The following FBXL17 variants were observed in gnomAD, a reference collection of about 807,000 sequenced individuals.
FBXL17 encodes F-box and leucine rich repeat protein 17.
In FBXL17, 22 loss-of-function variants were observed where a neutral mutation model predicts 66.2. That is an observed-to-expected ratio of 0.33 (90% CI 0.24 to 0.47). FBXL17 has a LOEUF of 0.47. Ranked by LOEUF, FBXL17 falls within the 20% of genes least tolerant of loss-of-function variation. The probability of loss-of-function intolerance (pLI) is 1.00; values close to 1 mark genes in which losing one functional copy is unlikely to be tolerated. For synonymous variants in FBXL17, 474 were observed against 400.5 expected (o/e 1.18, Z -2.19); for missense variants, 878 against 948.2 (o/e 0.93, Z 0.97).
chr5:108,090,668 A>T (rs1749153241), intron 6 of FBXL17, among the ~76,000 whole-genome samples: 1 of 152,068 alleles, frequency 6.6e-6, no homozygotes. Flanking sequence ...TTTTCATATC[A>T]TGATAAGTTA....
chr5:108,381,485 G>A lies in FBXL17; in HGVS notation c.207C>T (p.Gly69=). Residue 69 remains glycine (G), a synonymous_variant, in exon 1 of 9, where the codon GGC becomes GGT. Coordinates refer to ENST00000542267, the MANE Select transcript of FBXL17 (RefSeq NM_001163315.3). ...CMLCFIVHSP[G]APAPAGPEEE... ...CCTCTGGGCCGGCGGGGGCGGGCGCGCCGGGACTGTGCACGATGAAGCAGA... is the reference window on the plus strand; with the variant it reads ...CCTCTGGGCCGGCGGGGGCGGGCGCACCGGGACTGTGCACGATGAAGCAGA... The A allele has an allele frequency of 7.4e-7, 1 of 1,350,114 alleles. No individual in the cohort carries two copies. Among genetic ancestry groups the A allele is most frequent in the Non-Finnish European group, 9.4e-7 (1 of 1,059,022 alleles). The allele number at this position is 1,350,114 out of a possible 1,614,324, so 83.6% of individuals were successfully genotyped here. A position where few individuals can be genotyped will look rare whatever the true frequency, so the allele number is the denominator to read the frequency against.
At chr5:108,281,251 G>A (rs1757691670) in intron 4 of FBXL17, among the ~76,000 whole-genome samples, 1 of 151,806 alleles carries the variant, frequency 6.6e-6, no homozygotes, top group Admixed American at 6.6e-5. Flanking sequence ...CTCCTAGATA[G>A]ACCATATGTT....
intron 4 of FBXL17, among the ~76,000 whole-genome samples, chr5:108,325,141 A>G (rs1464153162): frequency 6.6e-6 from 1 of 152,094 alleles, no homozygotes; most frequent in African/African-American, 2.4e-5. Context: ...GAATGTACTC[A>G]CCGTCACTAA....
chr5:107,870,703 A>T (rs1405493307), intron 8 of FBXL17, among the ~76,000 whole-genome samples: 2 of 151,208 alleles, frequency 1.3e-5, no homozygotes, highest in Non-Finnish European at 2.9e-5. Context: ...CTCCTGCCTC[A>T]GCCTCCCAAG....
At chr5:108,199,206 A>G (rs952493349) in intron 5 of FBXL17, among the ~76,000 whole-genome samples, 28 of 152,166 alleles carry the variant, frequency 1.8e-4, no homozygotes, top group African/African-American at 6.5e-4. Context: ...CAATACAAAA[A>G]CATGACGAAG....
chr5:108,380,634 G>T, intron 1 of FBXL17, 65 bp downstream of exon 1: 2 of 985,034 alleles, frequency 2.0e-6, no homozygotes, highest in Non-Finnish European at 2.6e-6. Context: ...GAGAGAGAAA[G>T]CCTCGGAGGC....
chr5:108,048,729 G>C (rs571500419), intron 6 of FBXL17, among the ~76,000 whole-genome samples: 3 of 152,312 alleles, frequency 2.0e-5, no homozygotes, highest in African/African-American at 7.2e-5. Context: ...CCACCTTGCT[G>C]AAGTAAGGCA....
At chr5:108,373,230 AATATAAT>A (rs1304490918) in intron 1 of FBXL17, among the ~76,000 whole-genome samples, 1 of 137,620 alleles carries the variant, frequency 7.3e-6, no homozygotes, top group East Asian at 3.7e-4. Context: ...TATTAATATA[AATATAAT>A]ATATATCTAA....
At chr5:107,918,323 C>G (rs1355538822) in intron 7 of FBXL17, among the ~76,000 whole-genome samples, 4 of 152,166 alleles carry the variant, frequency 2.6e-5, no homozygotes, top group Non-Finnish European at 5.9e-5. Context: ...GTAACCCAGT[C>G]AAGGGTAACT....
intron 6 of FBXL17, among the ~76,000 whole-genome samples, chr5:108,157,669 G>C (rs886916132): frequency 6.6e-6 from 1 of 151,166 alleles, no homozygotes; most frequent in African/African-American, 2.4e-5. Context: ...TAATGGTACT[G>C]TTTGAGCTGA....
intron 4 of FBXL17, among the ~76,000 whole-genome samples, chr5:108,239,281 A>G (rs1050763993): frequency 1.3e-5 from 2 of 152,216 alleles, no homozygotes; most frequent in Non-Finnish European, 2.9e-5. Context: ...TTTTAACTTC[A>G]TATCATCGAA....
chr5:108,057,352 G>A (rs1322270764), intron 6 of FBXL17, among the ~76,000 whole-genome samples: 1 of 152,100 alleles, frequency 6.6e-6, no homozygotes, highest in African/African-American at 2.4e-5. Context: ...TCTTAAGCAT[G>A]ACAGAAGAAA....
intron 7 of FBXL17, among the ~76,000 whole-genome samples, chr5:107,895,255 G>A (rs1255725127): frequency 6.6e-6 from 1 of 151,934 alleles, no homozygotes; most frequent in Non-Finnish European, 1.5e-5. Context: ...GTTCTTGTAT[G>A]CTTGAGGAAG....
intron 8 of FBXL17, among the ~76,000 whole-genome samples, chr5:107,866,031 T>C (rs1227346928): frequency 6.6e-6 from 1 of 152,072 alleles, no homozygotes; most frequent in Non-Finnish European, 1.5e-5. Flanking sequence ...AAAGAACCTC[T>C]CTCTGTTCCA....
chr5:108,141,688 G>GC (rs1406938024), intron 6 of FBXL17, among the ~76,000 whole-genome samples: 1 of 152,112 alleles, frequency 6.6e-6, no homozygotes, highest in Admixed American at 6.5e-5. Flanking sequence ...CCTCAAGATG[G>GC]CATCCTAATC....
intron 6 of FBXL17, among the ~76,000 whole-genome samples, chr5:108,166,464 T>TTA (rs546870808): frequency 1.3e-3 from 192 of 152,106 alleles, no homozygotes; most frequent in Admixed American, 4.6e-3. Flanking sequence ...AGATGATGTG[T>TTA]TATAGTCTTT....
chr5:108,203,409 AAATATC>A (rs753607053), intron 5 of FBXL17, among the ~76,000 whole-genome samples: 8 of 152,134 alleles, frequency 5.3e-5, no homozygotes, highest in Non-Finnish European at 1.0e-4. Context: ...TCTAAGAAAA[AAATATC>A]AATTAATGGA....
chr5:108,327,159 A>G (rs1759896260), intron 4 of FBXL17, among the ~76,000 whole-genome samples: 1 of 152,226 alleles, frequency 6.6e-6, no homozygotes, highest in Admixed American at 6.5e-5. Context: ...GCAATAAACT[A>G]TGATATACAT....
At chr5:108,010,742 C>CA (rs2088038892) in intron 7 of FBXL17, among the ~76,000 whole-genome samples, 1 of 151,958 alleles carries the variant, frequency 6.6e-6, no homozygotes, top group African/African-American at 2.4e-5. Flanking sequence ...CTTCCACTAT[C>CA]AAAAATAGGG....
Sources: allele counts gnomAD v4.1 joint callset (sites outside exome capture counted in the v4.1 genomes callset), GRCh38; gene constraint gnomAD v4.1.1; transcripts MANE v1.5; gene names NCBI Gene and HGNC (gene_info 2026-07-23, HGNC 2026-07-21).